Variants in PDE10A observed in about 807,000 individuals in gnomAD.
The protein encoded by PDE10A is phosphodiesterase 10A.
A neutral mutation model predicts 97.7 loss-of-function variants in PDE10A; 39 were observed. The observed-to-expected ratio is 0.40, with a 90% CI of 0.31 to 0.52. The LOEUF is 0.52. PDE10A is among the 20% of genes least tolerant of loss of function. The pLI, the probability that PDE10A is intolerant of heterozygous loss-of-function variation, is 0.56. For missense variants in PDE10A, 731 were observed against 1,047.8 expected (o/e 0.70, Z 4.17); for synonymous variants, 371 against 376.8 (o/e 0.98, Z 0.18).
intron 1 of PDE10A, among the ~76,000 whole-genome samples, chr6:165,760,469 A>G (rs1793224175): frequency 6.6e-6 from 1 of 152,204 alleles, no homozygotes; most frequent in Non-Finnish European, 1.5e-5. Context: ...GTTTACATAG[A>G]TGTTTAGCAG....
intron 1 of PDE10A, among the ~76,000 whole-genome samples, chr6:165,764,882 C>T (rs1042190803): frequency 5.9e-5 from 9 of 152,184 alleles, no homozygotes; most frequent in Admixed American, 5.2e-4. Context: ...TCTGGCCCCA[C>T]CCACGTCCTG....
intron 1 of PDE10A, among the ~76,000 whole-genome samples, chr6:165,637,672 C>A (rs994698869): frequency 1.3e-5 from 2 of 152,160 alleles, no homozygotes; most frequent in Admixed American, 6.5e-5. Context: ...GTGCAAGCTT[C>A]TTCTCATCCA....
At chr6:165,772,139 A>G (rs1778029171) in intron 1 of PDE10A, among the ~76,000 whole-genome samples, 1 of 152,238 alleles carries the variant, frequency 6.6e-6, no homozygotes, top group South Asian at 2.1e-4. Context: ...TAAACAATAC[A>G]AAGTGTTTTT....
chr6:165,634,979 A>T (rs1788806281), intron 1 of PDE10A, among the ~76,000 whole-genome samples: 1 of 152,168 alleles, frequency 6.6e-6, no homozygotes, highest in Admixed American at 6.5e-5. Context: ...CCATCGCTCT[A>T]TGTTGCCTGG....
intron 1 of PDE10A, among the ~76,000 whole-genome samples, chr6:165,933,689 G>A (rs942819399): frequency 6.6e-6 from 1 of 152,190 alleles, no homozygotes; most frequent in African/African-American, 2.4e-5. Flanking sequence ...TACAGCCCAA[G>A]TTTCATAGAA....
intron 18 of PDE10A, among the ~76,000 whole-genome samples, chr6:165,352,534 T>C (rs1782756717): frequency 6.6e-6 from 1 of 151,766 alleles, no homozygotes; most frequent in Admixed American, 6.6e-5. Flanking sequence ...CCATTAAAAG[T>C]ATAAAACCAA....
rs1214979066 is a variant in PDE10A, at chr6:165,766,694, G to C, written c.-615+220835C>G. ...TATAAGCCAGGAAATGAAGTCAGCA[G>C]ACCTGCAGGCTCAGCAGTGATTCAA... On this transcript the variant is annotated intron_variant, in intron 1 of 19. Coordinates refer to the PDE10A transcript ENST00000366882. Among the ~76,000 whole-genome samples, 3 of 152,234 alleles carry C rather than the reference G, an allele frequency of 2.0e-5. No homozygotes were observed. The East Asian group carries it at 5.8e-4, about 29-fold the overall frequency.
intron 21 of PDE10A, among the ~76,000 whole-genome samples, chr6:165,334,400 T>C (rs968235498): frequency 1.3e-5 from 2 of 150,990 alleles, no homozygotes; most frequent in Admixed American, 6.6e-5. Flanking sequence ...CGCGCCTCCA[T>C]AGCGCCCTAC....
intron 2 of PDE10A, among the ~76,000 whole-genome samples, chr6:165,503,292 A>C (rs6934674): frequency 0.045 from 6,856 of 152,218 alleles, 486 homozygotes; most frequent in African/African-American, 0.16. Flanking sequence ...AACGTGACTC[A>C]TATTATTCCT....
rs1583046358 is a variant in PDE10A, at chr6:165,330,172, A to C, written c.*2853T>G. The C allele has an allele frequency of 3.9e-5, 6 of 152,224 alleles. No homozygotes were observed. Among genetic ancestry groups the C allele is most frequent in the African/African-American group, 1.4e-4 (6 of 41,468 alleles). The allele number at this position is 152,224 out of a possible 1,614,324, so 9.4% of individuals were successfully genotyped here. A position where few individuals can be genotyped will look rare whatever the true frequency, so the allele number is the denominator to read the frequency against. Reference sequence around the variant, plus strand: ...ACATAACCAACAAAAGTATCTGCAAATTGAATATCCTACATATGCTCATAG... The same window carrying C: ...ACATAACCAACAAAAGTATCTGCAACTTGAATATCCTACATATGCTCATAG... On this transcript the variant is annotated 3_prime_UTR_variant, in exon 22 of 22. Transcript: ENST00000539869.
At chr6:165,892,681 C>A (rs1034251554) in intron 1 of PDE10A, among the ~76,000 whole-genome samples, 2 of 152,210 alleles carry the variant, frequency 1.3e-5, no homozygotes, top group Admixed American at 1.3e-4. Context: ...CCGGCCCTGA[C>A]CCATCATCAC....
chr6:165,802,333 G>T (rs2128465709), intron 1 of PDE10A, among the ~76,000 whole-genome samples: 1 of 152,314 alleles, frequency 6.6e-6, no homozygotes, highest in African/African-American at 2.4e-5. Flanking sequence ...ACCCAAGGCT[G>T]CACGAATATC....
chr6:165,379,464 A>G lies in PDE10A; in HGVS notation c.2611-98T>C, dbSNP rs538355217. ...TGAAACTATATAGTCAGTCAATGAC[A>G]TCTGGCACACTAATGAAAGGTTTTG... On this transcript the variant is annotated intron_variant, in intron 17 of 21. Coordinates refer to ENST00000539869, the MANE Select transcript of PDE10A (RefSeq NM_001385079.1). The G allele has an allele frequency of 5.1e-4, 460 of 899,496 alleles. 9 individuals carry two copies. The South Asian group carries it at 8.3e-3, about 16-fold the overall frequency. 55.7% of individuals were successfully genotyped at this position (899,496 alleles called of 1,614,324 possible).
At position 165,543,543 on chromosome 6, in the gene PDE10A, T is replaced by C. The variant is rs1337755350; in HGVS notation, c.891A>G (p.Ala297=). 46 of 1,611,130 alleles carry C rather than the reference T, an allele frequency of 2.9e-5. No individual in the cohort carries two copies. The highest frequency in any genetic ancestry group is 3.8e-5 in the Non-Finnish European group (45 of 1,178,220). ...ATACCTGGGGGTGAAGAGAAAGATA[T>C]GCCTTCACTTTTTCATCTGTCAAAC... ...SPSLTDEKVK[A]YLSLHPQVLD... The change falls in exon 2 of 22, where the codon GCA becomes GCG. Residue 297 remains alanine, a synonymous_variant. Coordinates refer to ENST00000539869, the MANE Select transcript of PDE10A (RefSeq NM_001385079.1).
intron 2 of PDE10A, among the ~76,000 whole-genome samples, chr6:165,483,581 C>T (rs961279651): frequency 6.6e-6 from 1 of 152,196 alleles, no homozygotes; most frequent in African/African-American, 2.4e-5. Flanking sequence ...AATTTATTAA[C>T]AGATTCTAAA....
chr6:165,353,860 A>T (rs1206486277), intron 18 of PDE10A, among the ~76,000 whole-genome samples: 1 of 152,156 alleles, frequency 6.6e-6, no homozygotes, highest in African/African-American at 2.4e-5. Flanking sequence ...ATCCTAATGT[A>T]AACTACAGAC....
chr6:165,882,211 C>A (rs1273677322), intron 1 of PDE10A, among the ~76,000 whole-genome samples: 1 of 152,206 alleles, frequency 6.6e-6, no homozygotes, highest in Admixed American at 6.5e-5. Context: ...GGTCGCATGA[C>A]CCATCTCTCA....
At chr6:165,499,890 T>C (rs1780763826) in intron 2 of PDE10A, among the ~76,000 whole-genome samples, 1 of 152,114 alleles carries the variant, frequency 6.6e-6, no homozygotes, top group Non-Finnish European at 1.5e-5. Flanking sequence ...AAAAAGTCAA[T>C]GTTCATTCAG....
At chr6:165,830,032 C>G (rs900827002) in intron 1 of PDE10A, among the ~76,000 whole-genome samples, 8 of 152,140 alleles carry the variant, frequency 5.3e-5, no homozygotes, top group Admixed American at 6.5e-5. Context: ...TTCAGATAAC[C>G]CCTCAAATAT....
Sources: gnomAD v4.1 joint callset for allele counts (sites outside exome capture counted in the v4.1 genomes callset) on GRCh38, gnomAD v4.1.1 for gene constraint, MANE v1.5 for transcripts, NCBI Gene and HGNC (gene_info 2026-07-23, HGNC 2026-07-21) for gene names.